Variants in STPG2 observed in about 807,000 individuals in gnomAD.
The protein encoded by STPG2 is sperm-tail PG-rich repeat-containing protein 2.
STPG2 carries 56 observed loss-of-function variants against 54.2 expected under a neutral mutation model. That is an observed-to-expected ratio of 1.03 (90% confidence interval 0.83 to 1.29). The LOEUF (loss-of-function observed/expected upper bound fraction) is 1.29. Among genes scored for constraint, STPG2 ranks in the 50% most tolerant of loss-of-function variants. STPG2 has a pLI of 0.00. For synonymous variants in STPG2, 200 were observed against 181.8 expected (o/e 1.10, Z -0.81); for missense variants, 596 against 544.9 (o/e 1.09, Z -0.93).
At position 98,143,077 on chromosome 4, in the gene STPG2, G is replaced by A. The variant is rs751504664; in HGVS notation, c.74C>T (p.Ser25Phe). Residue 25 changes from serine (S) to phenylalanine (F), a missense_variant, in exon 1 of 11, where the codon TCC (serine) becomes TTC (phenylalanine). Physicochemically the swap from Ser to Phe is radical, Grantham distance 155. Coordinates refer to ENST00000295268, the MANE Select transcript of STPG2 (RefSeq NM_174952.3). Reference sequence around the variant, plus strand: ...CTGCTTCAGGAAAGGTACCTGGTAGGATCCAGGACCCACATGGGCCTCAGT... The same window carrying A: ...CTGCTTCAGGAAAGGTACCTGGTAGAATCCAGGACCCACATGGGCCTCAGT... Reference protein sequence around the residue: ...GSTEAHVGPGSYQVPFLKQQA... With the variant: ...GSTEAHVGPGFYQVPFLKQQA... The A allele has an allele frequency of 6.2e-7, 1 of 1,613,742 alleles. No individual in the cohort carries two copies. Among genetic ancestry groups the A allele is most frequent in the Non-Finnish European group, 8.5e-7 (1 of 1,179,822 alleles).
intron 8 of STPG2, among the ~76,000 whole-genome samples, chr4:97,929,458 T>G (rs1448579254): frequency 1.3e-5 from 2 of 152,218 alleles, no homozygotes; most frequent in Non-Finnish European, 2.9e-5. Flanking sequence ...CCACACTGTC[T>G]TCTACAATGG....
chr4:98,042,698 T>G (rs1487380092), intron 5 of STPG2, among the ~76,000 whole-genome samples: 2 of 145,082 alleles, frequency 1.4e-5, no homozygotes, highest in Non-Finnish European at 3.1e-5. Flanking sequence ...TTTCAAAAAT[T>G]TATTGAAACT....
At position 97,981,158 on chromosome 4, in the gene STPG2, C is replaced by G; in HGVS notation, c.772+1G>C. ...TAGACATATATAGATAAATTGCTAACCTGGCATTTCCTCTGTCCTGATGTC... is the reference window on the plus strand; with the variant it reads ...TAGACATATATAGATAAATTGCTAAGCTGGCATTTCCTCTGTCCTGATGTC... On this transcript the variant is annotated splice_donor_variant, in intron 6 of 10. Transcript: ENST00000295268. LOFTEE classifies it high-confidence loss of function. 6.2e-7 allele frequency: 1 copy of G among 1,612,806 alleles called. No homozygotes were observed. Among genetic ancestry groups the G allele is most frequent in the Non-Finnish European group, 8.5e-7 (1 of 1,179,634 alleles).
At chr4:97,997,262 A>G (rs970296638) in intron 5 of STPG2, among the ~76,000 whole-genome samples, 8 of 152,224 alleles carry the variant, frequency 5.3e-5, no homozygotes, top group African/African-American at 1.9e-4. Context: ...TGAGTAATTT[A>G]TAAGAAAAGA....
chr4:97,764,697 T>G (rs187105921), intron 9 of STPG2, among the ~76,000 whole-genome samples: 76 of 152,190 alleles, frequency 5.0e-4, no homozygotes, highest in African/African-American at 1.8e-3. Context: ...GGTGACAGGA[T>G]TTTTTTACCA....
At chr4:97,959,200 C>A (rs994046255) in intron 7 of STPG2, among the ~76,000 whole-genome samples, 1 of 152,022 alleles carries the variant, frequency 6.6e-6, no homozygotes, top group Non-Finnish European at 1.5e-5. Flanking sequence ...TCTAACAATA[C>A]CTTTGGGATA....
chr4:97,651,640 C>T (rs955179562), intron 10 of STPG2, among the ~76,000 whole-genome samples: 9 of 151,870 alleles, frequency 5.9e-5, no homozygotes, highest in Admixed American at 5.2e-4. Flanking sequence ...TTCCAACTAA[C>T]AAAAGCACAT....
intron 5 of STPG2, among the ~76,000 whole-genome samples, chr4:98,092,559 C>T (rs971289231): frequency 6.6e-6 from 1 of 151,876 alleles, no homozygotes; most frequent in Non-Finnish European, 1.5e-5. Flanking sequence ...GAATAATCCA[C>T]CCATTAAAGA....
At chr4:97,454,633 C>T (rs1729469979) in intron 4 of STPG2, among the ~76,000 whole-genome samples, 1 of 143,326 alleles carries the variant, frequency 7.0e-6, no homozygotes, top group African/African-American at 2.5e-5. Flanking sequence ...AGCATATCTT[C>T]ATGTTATGTG....
intron 10 of STPG2, among the ~76,000 whole-genome samples, chr4:97,576,265 T>A: frequency 7.0e-6 from 1 of 142,434 alleles, no homozygotes; most frequent in African/African-American, 2.6e-5. Context: ...AAAACTATAC[T>A]AATATATATG....
chr4:97,442,215 ATGTTTT>A (rs1376183640), intron 4 of STPG2, among the ~76,000 whole-genome samples: 4 of 149,042 alleles, frequency 2.7e-5, no homozygotes, highest in African/African-American at 7.5e-5. Context: ...ACTACATGAC[ATGTTTT>A]TTTTTGTTTT....
intron 8 of STPG2, among the ~76,000 whole-genome samples, chr4:97,920,748 C>G (rs1019707252): frequency 2.6e-5 from 4 of 152,200 alleles, no homozygotes; most frequent in Admixed American, 6.5e-5. Context: ...TAAGAAATAT[C>G]ACCTATGGTC....
intron 8 of STPG2, among the ~76,000 whole-genome samples, chr4:97,861,709 C>T (rs1033230566): frequency 6.6e-6 from 1 of 152,138 alleles, no homozygotes; most frequent in Non-Finnish European, 1.5e-5. Context: ...GCCCATCAGA[C>T]TAACAGCTGC....
At chr4:98,023,809 C>T (rs1736318269) in intron 5 of STPG2, among the ~76,000 whole-genome samples, 1 of 152,184 alleles carries the variant, frequency 6.6e-6, no homozygotes, top group Non-Finnish European at 1.5e-5. Context: ...CAGTGAGACT[C>T]CATGGTTGTA....
At chr4:97,775,732 G>C (rs547383526) in intron 9 of STPG2, among the ~76,000 whole-genome samples, 2 of 152,138 alleles carry the variant, frequency 1.3e-5, no homozygotes, top group Admixed American at 1.3e-4. Context: ...CTTTAAAATT[G>C]CTAGTGGGAG....
intron 8 of STPG2, among the ~76,000 whole-genome samples, chr4:97,899,445 T>C (rs746267406): frequency 1.3e-5 from 2 of 151,788 alleles, no homozygotes; most frequent in Non-Finnish European, 2.9e-5. Flanking sequence ...CTACCAATGA[T>C]TTTCTTCACT....
At chr4:97,792,391 GAA>G (rs1165807470) in intron 9 of STPG2, among the ~76,000 whole-genome samples, 2 of 152,008 alleles carry the variant, frequency 1.3e-5, no homozygotes, top group Non-Finnish European at 2.9e-5. Flanking sequence ...AGTCTAATCA[GAA>G]CCATTGGCAT....
At chr4:97,677,999 A>G (rs1361072079) in intron 10 of STPG2, among the ~76,000 whole-genome samples, 1 of 152,182 alleles carries the variant, frequency 6.6e-6, no homozygotes, top group Non-Finnish European at 1.5e-5. Flanking sequence ...TATATACATC[A>G]TTAAATACTG....
intron 9 of STPG2, among the ~76,000 whole-genome samples, chr4:97,781,574 T>C (rs2149071910): frequency 6.6e-6 from 1 of 152,238 alleles, no homozygotes; most frequent in South Asian, 2.1e-4. Context: ...CCTCCCTAAC[T>C]CATTTTATGA....
Sources: gnomAD v4.1 joint callset for allele counts (sites outside exome capture counted in the v4.1 genomes callset) on GRCh38, gnomAD v4.1.1 for gene constraint, MANE v1.5 for transcripts, NCBI Gene and HGNC (gene_info 2026-07-23, HGNC 2026-07-21) for gene names.